Variants in CALHM4 observed in about 807,000 individuals in gnomAD.
CALHM4 encodes calcium homeostasis modulator family member 4, also known as calcium homeostasis modulator protein 4.
A neutral mutation model predicts 13.3 loss-of-function variants in CALHM4; 16 were observed. The ratio of observed to expected loss-of-function variants is 1.20; its 90% confidence interval spans 0.81 to 1.82. The LOEUF (loss-of-function observed/expected upper bound fraction) is 1.82, where lower values mean the gene tolerates loss of function less well. Ranked by LOEUF, CALHM4 falls within the 40% of genes most tolerant of loss-of-function variation. CALHM4 has a pLI of 0.00. For missense variants in CALHM4, 344 were observed against 374.9 expected (o/e 0.92, Z 0.68); for synonymous variants, 127 against 137.1 (o/e 0.93, Z 0.52).
rs1490338413 is a variant in CALHM4 at position 116,560,651 on chromosome 6, G to T, written c.*2440G>T. On this transcript the variant is annotated 3_prime_UTR_variant, in exon 2 of 2. Transcript: ENST00000368596. ...AAATAAATGGAATTTTTAGTATTTT[G>T]GGGGGGGGGGGGGCTATGGTCTATA... is the stretch of plus-strand genomic sequence containing the variant. Among the ~76,000 whole-genome samples the T allele has an allele frequency of 1.3e-3, 8 of 6,046 alleles. No individual in the cohort carries two copies. Among genetic ancestry groups the T allele is most frequent in the African/African-American group, 4.3e-3 (6 of 1,408 alleles). The allele number at this position is 6,046 out of a possible 152,430, so 4.0% of individuals were successfully genotyped here.
At chr6:116,545,539 A>G in intron 2 of CALHM4, 1 of 1,540,816 alleles carries the variant, frequency 6.5e-7, no homozygotes. Context: ...GAAGAATATG[A>G]TCTTCAATTT....
intron 2 of CALHM4, among the ~76,000 whole-genome samples, chr6:116,547,021 G>A (rs892399903): frequency 3.3e-5 from 5 of 152,160 alleles, no homozygotes; most frequent in Non-Finnish European, 7.3e-5. Context: ...CCATTTTACA[G>A]GATAAGAATC....
At chr6:116,545,068 G>A (rs924775564) in intron 2 of CALHM4, among the ~76,000 whole-genome samples, 1 of 151,110 alleles carries the variant, frequency 6.6e-6, no homozygotes, top group South Asian at 2.1e-4. Context: ...GACCTATTTC[G>A]ATTCAGTTTT....
At position 116,554,125 on chromosome 6, in the gene CALHM4, C is replaced by A. The variant is rs1774201642; in HGVS notation, c.332C>A (p.Ala111Glu). ...AGGTTCTTCAGCATCACTGGGAGGGCAGTTATTGCTCCTTTAACTTGGCTG... is the reference window on the plus strand; with the variant it reads ...AGGTTCTTCAGCATCACTGGGAGGGAAGTTATTGCTCCTTTAACTTGGCTG... ...CLRFFSITGR[A>E]VIAPLTWLAV... Residue 111 changes from alanine to glutamate, a missense_variant, in exon 1 of 2, where the codon GCA becomes GAA. By Grantham distance (107) the Ala-to-Glu change is moderately radical. Coordinates refer to ENST00000368596, the MANE Select transcript of CALHM4 (RefSeq NM_001366078.2). 1 of 1,550,560 alleles carries A rather than the reference C, an allele frequency of 6.4e-7. No individual in the cohort carries two copies. The highest frequency in any genetic ancestry group is 8.7e-7 in the Non-Finnish European group (1 of 1,146,982).
chr6:116,535,366 T>C (rs1773010749), intron 1 of CALHM4, among the ~76,000 whole-genome samples: 1 of 152,200 alleles, frequency 6.6e-6, no homozygotes, highest in Non-Finnish European at 1.5e-5. Flanking sequence ...AGGCCAGTGC[T>C]CATCTACTGG....
intron 1 of CALHM4, among the ~76,000 whole-genome samples, chr6:116,541,287 A>G (rs1049483217): frequency 2.2e-4 from 33 of 152,230 alleles, no homozygotes; most frequent in Admixed American, 2.1e-3. Flanking sequence ...AGAACTTGCA[A>G]TCTAGCTGAG....
intron 1 of CALHM4, among the ~76,000 whole-genome samples, chr6:116,531,588 A>G (rs1772728385): frequency 6.6e-6 from 1 of 152,144 alleles, no homozygotes; most frequent in Non-Finnish European, 1.5e-5. Flanking sequence ...TCTCTACAAT[A>G]AACCCTAAAG....
intron 2 of CALHM4, among the ~76,000 whole-genome samples, chr6:116,545,913 C>T (rs190342608): frequency 6.6e-6 from 1 of 152,236 alleles, no homozygotes; most frequent in East Asian, 1.9e-4. Flanking sequence ...CAGAAACCTT[C>T]GCAATCCAAG....
rs781526664 is a variant in CALHM4, at chr6:116,554,167, C to T, written c.374C>T (p.Thr125Ile). The T allele has an allele frequency of 6.4e-7, 1 of 1,550,502 alleles. No homozygotes were observed. The part of the protein sequence containing the change: ...PLTWLAVTLL[T>I]GTYYECAASE... ...ACTTGGCTGGCGGTGACCCTGCTGACAGGCACGTATTATGAATGTGCAGCA... is the reference window on the plus strand; with the variant it reads ...ACTTGGCTGGCGGTGACCCTGCTGATAGGCACGTATTATGAATGTGCAGCA... The change falls in exon 1 of 2, where the codon ACA becomes ATA. Residue 125 changes from threonine (T) to isoleucine (I), a missense_variant. Physicochemically the swap from Thr to Ile is moderately conservative, Grantham distance 89. Transcript: ENST00000368596.
Position 116,558,085 on chromosome 6 carries a change from A to G in CALHM4, c.819A>G (p.Lys273=), listed in dbSNP as rs762029904. Residue 273 remains lysine, a synonymous_variant, in exon 2 of 2, where the codon AAA becomes AAG. Coordinates refer to ENST00000368596, the MANE Select transcript of CALHM4 (RefSeq NM_001366078.2). ...HIRIPSCQDW[K]DISVPTLLCM... ...GCATTCCTTCTTGTCAGGACTGGAAAGATATTTCAGTACCCACTCTTTTAT... is the reference window on the plus strand; with the variant it reads ...GCATTCCTTCTTGTCAGGACTGGAAGGATATTTCAGTACCCACTCTTTTAT... 6.2e-7 allele frequency: 1 copy of G among 1,614,202 alleles called. No individual in the cohort carries two copies. The highest frequency in any genetic ancestry group is 1.7e-5 in the Admixed American group (1 of 60,028).
chr6:116,557,124 A>G (rs1033721), intron 1 of CALHM4, among the ~76,000 whole-genome samples: 89,989 of 151,588 alleles, frequency 0.59, 27,419 homozygotes, highest in East Asian at 0.89. Context: ...TTTTAGTAGA[A>G]ATAGGGTTTC....
chr6:116,541,752 C>G (rs1456639707), intron 1 of CALHM4, among the ~76,000 whole-genome samples: 1 of 152,186 alleles, frequency 6.6e-6, no homozygotes, highest in East Asian at 1.9e-4. Flanking sequence ...CTAATTCTCA[C>G]TTTGCATATC....
chr6:116,540,501 G>A, intron 1 of CALHM4: 1 of 1,531,628 alleles, frequency 6.5e-7, no homozygotes, highest in Non-Finnish European at 8.8e-7. Flanking sequence ...AAAATTCTAA[G>A]AAATTAGTGA....
chr6:116,551,089 C>T (rs1011041497), upstream of CALHM4, among the ~76,000 whole-genome samples: 1 of 152,188 alleles, frequency 6.6e-6, no homozygotes, highest in Non-Finnish European at 1.5e-5. Context: ...GCCTTTTCCA[C>T]AGAGTGCCCA....
chr6:116,538,371 G>C (rs962767966), intron 1 of CALHM4, among the ~76,000 whole-genome samples: 3 of 152,188 alleles, frequency 2.0e-5, no homozygotes, highest in African/African-American at 4.8e-5. Flanking sequence ...TGTAATTCCA[G>C]CTTCTCAGCA....
At chr6:116,546,707 G>A (rs1023319225) in intron 2 of CALHM4, among the ~76,000 whole-genome samples, 42 of 152,078 alleles carry the variant, frequency 2.8e-4, no homozygotes, top group African/African-American at 8.9e-4. Context: ...GAGACGAGGC[G>A]TACCGTAAAA....
intron 1 of CALHM4, among the ~76,000 whole-genome samples, chr6:116,531,992 T>C (rs1470192937): frequency 2.0e-5 from 3 of 152,112 alleles, no homozygotes; most frequent in African/African-American, 4.8e-5. Flanking sequence ...AATCAGTTAT[T>C]GTCCTGTTCA....
chr6:116,541,828 A>G (rs1773481857), intron 1 of CALHM4, among the ~76,000 whole-genome samples: 2 of 152,200 alleles, frequency 1.3e-5, no homozygotes, highest in African/African-American at 4.8e-5. Flanking sequence ...ATATCTACAC[A>G]TATTGCTTTG....
At chr6:116,537,274 A>C (rs1773158885) in intron 1 of CALHM4, among the ~76,000 whole-genome samples, 1 of 152,218 alleles carries the variant, frequency 6.6e-6, no homozygotes, top group Non-Finnish European at 1.5e-5. Flanking sequence ...AGAATGGTTG[A>C]TAAGACATGA....
Sources: gnomAD v4.1 joint callset for allele counts (sites outside exome capture counted in the v4.1 genomes callset) on GRCh38, gnomAD v4.1.1 for gene constraint, MANE v1.5 for transcripts, NCBI Gene and HGNC (gene_info 2026-07-23, HGNC 2026-07-21) for gene names.